SLC25A21: variants seen among roughly 807,000 people sequenced by gnomAD.
SLC25A21 encodes mitochondrial 2-oxodicarboxylate carrier.
In SLC25A21, 47 loss-of-function variants were observed where a neutral mutation model predicts 43.8. That is an observed-to-expected ratio of 1.07 (90% CI 0.85 to 1.37). The LOEUF (loss-of-function observed/expected upper bound fraction) is 1.37. Ranked by LOEUF, SLC25A21 falls within the 40% of genes most tolerant of loss-of-function variation. The pLI is 0.00. For synonymous variants in SLC25A21, 131 were observed against 121.3 expected (o/e 1.08, Z -0.52); for missense variants, 352 against 350.2 (o/e 1.00, Z -0.04).
chr14:36,778,481 G>A (rs1211064040), intron 3 of SLC25A21, among the ~76,000 whole-genome samples: 2 of 152,156 alleles, frequency 1.3e-5, no homozygotes, highest in Admixed American at 1.3e-4. Context: ...CTTAGTTCAA[G>A]GGTTCACTCA....
chr14:37,164,583 T>C (rs1489885609), intron 1 of SLC25A21, among the ~76,000 whole-genome samples: 2 of 152,206 alleles, frequency 1.3e-5, no homozygotes, highest in Non-Finnish European at 2.9e-5. Flanking sequence ...CCCCCTGGTG[T>C]ATCAGCCCTT....
intron 2 of SLC25A21, among the ~76,000 whole-genome samples, chr14:36,861,343 G>C (rs1243725160): frequency 6.6e-6 from 1 of 152,224 alleles, no homozygotes; most frequent in Admixed American, 6.5e-5. Context: ...GCCTTCCGCT[G>C]TGCTAGAATC....
At chr14:37,101,976 A>G (rs1260805724) in intron 1 of SLC25A21, among the ~76,000 whole-genome samples, 2 of 152,224 alleles carry the variant, frequency 1.3e-5, no homozygotes, top group Non-Finnish European at 2.9e-5. Flanking sequence ...AAATGAGAAT[A>G]TATGTTTCAC....
At chr14:36,779,472 TAC>T (rs1295224439) in intron 3 of SLC25A21, among the ~76,000 whole-genome samples, 2 of 141,258 alleles carry the variant, frequency 1.4e-5, no homozygotes, top group African/African-American at 5.1e-5. Flanking sequence ...TATATATATA[TAC>T]ACATATATAT....
At chr14:37,161,625 C>T (rs1334509564) in intron 1 of SLC25A21, among the ~76,000 whole-genome samples, 1 of 152,056 alleles carries the variant, frequency 6.6e-6, no homozygotes, top group Non-Finnish European at 1.5e-5. Flanking sequence ...AATCCAATGA[C>T]TGGTGTCCTT....
intron 1 of SLC25A21, among the ~76,000 whole-genome samples, chr14:37,062,570 G>C (rs926711008): frequency 6.6e-6 from 1 of 152,050 alleles, no homozygotes; most frequent in Non-Finnish European, 1.5e-5. Flanking sequence ...TCAGATGCTC[G>C]CTGTTTGCAC....
chr14:37,120,459 C>T (rs1963187570), intron 1 of SLC25A21, among the ~76,000 whole-genome samples: 1 of 152,168 alleles, frequency 6.6e-6, no homozygotes, highest in Non-Finnish European at 1.5e-5. Context: ...TGCCTTCAGT[C>T]CTCCAATAAA....
intron 1 of SLC25A21, among the ~76,000 whole-genome samples, chr14:37,050,446 T>C (rs1961679759): frequency 6.6e-6 from 1 of 152,248 alleles, no homozygotes; most frequent in African/African-American, 2.4e-5. Context: ...TGAGCAGTTT[T>C]GCATGCACAA....
chr14:37,052,485 TTG>T (rs747817366), intron 1 of SLC25A21, among the ~76,000 whole-genome samples: 13 of 152,232 alleles, frequency 8.5e-5, no homozygotes, highest in Non-Finnish European at 1.9e-4. Flanking sequence ...TTAAATATCT[TTG>T]TTCTTTTAAC....
At chr14:37,085,039 TTATCATTCTTC>T (rs1465930771) in intron 1 of SLC25A21, among the ~76,000 whole-genome samples, 2 of 152,218 alleles carry the variant, frequency 1.3e-5, no homozygotes, top group African/African-American at 4.8e-5. Flanking sequence ...CTGGGCTTTA[TTATCATTCTTC>T]TTCTTGCATG....
At chr14:37,072,689 A>C (rs1453677511) in intron 1 of SLC25A21, among the ~76,000 whole-genome samples, 1 of 152,204 alleles carries the variant, frequency 6.6e-6, no homozygotes, top group African/African-American at 2.4e-5. Flanking sequence ...GGCTGCAGTG[A>C]GCTGAGATGG....
At chr14:37,081,657 G>T (rs553571196) in intron 1 of SLC25A21, among the ~76,000 whole-genome samples, 1 of 152,302 alleles carries the variant, frequency 6.6e-6, no homozygotes, top group Admixed American at 6.5e-5. Flanking sequence ...ATTGCTTAGA[G>T]TGATAAGATA....
chr14:36,828,187 A>G (rs1030215823), intron 2 of SLC25A21, among the ~76,000 whole-genome samples: 2 of 35,420 alleles, frequency 5.6e-5, no homozygotes, highest in African/African-American at 1.3e-4. Context: ...AGATGGGATC[A>G]ACTGTCCACT....
intron 1 of SLC25A21, among the ~76,000 whole-genome samples, chr14:36,910,289 T>C (rs1891651362): frequency 1.3e-5 from 2 of 152,150 alleles, no homozygotes; most frequent in Non-Finnish European, 1.5e-5. Context: ...CTCTATTACT[T>C]AGCGTCTATA....
chr14:37,044,060 A>G (rs539294357), intron 1 of SLC25A21, among the ~76,000 whole-genome samples: 1 of 151,144 alleles, frequency 6.6e-6, no homozygotes, highest in Admixed American at 6.6e-5. Context: ...CTGGGATTAC[A>G]GGCTTGAGCC....
Position 36,741,229 on chromosome 14 carries a change from A to C in SLC25A21, c.204-6656T>G, listed in dbSNP as rs574248650. On this transcript the variant is annotated intron_variant, in intron 3 of 9. Coordinates refer to ENST00000331299, the MANE Select transcript of SLC25A21 (RefSeq NM_030631.4). ...GAACTCCTCTTTCAAGCAGGCTGGG[A>C]AATTTCCTAAGTTACTAGGCTACTA... is the stretch of plus-strand genomic sequence containing the variant. Among the ~76,000 whole-genome samples the C allele has an allele frequency of 1.7e-3, 254 of 152,302 alleles. 1 individual carries two copies. Among genetic ancestry groups the C allele is most frequent in the Non-Finnish European group, 3.0e-3 (207 of 68,020 alleles).
At chr14:36,777,244 C>T (rs751424569) in intron 3 of SLC25A21, among the ~76,000 whole-genome samples, 4 of 151,940 alleles carry the variant, frequency 2.6e-5, no homozygotes, top group Non-Finnish European at 5.9e-5. Context: ...GGCAACACAG[C>T]GAGACTCTGT....
intron 1 of SLC25A21, among the ~76,000 whole-genome samples, chr14:36,982,515 T>A (rs1465282726): frequency 6.6e-6 from 1 of 152,136 alleles, no homozygotes; most frequent in Non-Finnish European, 1.5e-5. Flanking sequence ...TTAGTATTTA[T>A]TAGGTGGACT....
chr14:36,709,905 C>T (rs1019463246), intron 7 of SLC25A21, among the ~76,000 whole-genome samples: 6 of 152,032 alleles, frequency 3.9e-5, no homozygotes, highest in African/African-American at 1.4e-4. Context: ...AAAATGTTAC[C>T]CCAACTGGTA....
Sources: allele counts gnomAD v4.1 joint callset (sites outside exome capture counted in the v4.1 genomes callset), GRCh38; gene constraint gnomAD v4.1.1; transcripts MANE v1.5; gene names NCBI Gene and HGNC (gene_info 2026-07-23, HGNC 2026-07-21).